The following USP31 variants were observed in gnomAD, a reference collection of about 807,000 sequenced individuals.
USP31 encodes the protein ubiquitin carboxyl-terminal hydrolase 31.
A neutral mutation model predicts 119.4 loss-of-function variants in USP31; 44 were observed. The ratio of observed to expected loss-of-function variants is 0.37; its 90% confidence interval spans 0.29 to 0.47. USP31 has a LOEUF of 0.47. USP31 is among the 20% of genes least tolerant of loss of function. USP31 has a pLI of 0.99. For missense variants in USP31, 1,643 were observed against 1,730.2 expected, an observed-to-expected ratio of 0.95 and a Z score of 0.89; for synonymous variants, 749 against 705.6, an observed-to-expected ratio of 1.06 and a Z score of -0.97.
At chr16:23,112,242 G>A (rs1465310644) in intron 1 of USP31, among the ~76,000 whole-genome samples, 2 of 152,208 alleles carry the variant, frequency 1.3e-5, no homozygotes, top group East Asian at 3.9e-4. Context: ...AAATTCAAGT[G>A]CTTTTTTCTC....
At chr16:23,148,500 G>C in intron 1 of USP31, 138 bp downstream of exon 1, 2 of 1,196,806 alleles carry the variant, frequency 1.7e-6, no homozygotes, top group Non-Finnish European at 2.2e-6. Context: ...TAAAATCACT[G>C]GTCGACTGCC....
chr16:23,068,167 G>A lies in USP31; in HGVS notation c.3938C>T (p.Ser1313Phe), dbSNP rs746575133. ...HSLLSARKSK[S>F]SQLDSGVPSS... ...GGGAACTCCAGAGTCTAGTTGGGAA[G>A]ACTTGGATTTGCGAGCGGACAGCAG... Residue 1313 changes from serine (S) to phenylalanine (F), a missense_variant, in exon 16 of 16, where the codon TCT becomes TTT. By Grantham distance (155) the Ser-to-Phe change is radical. Around this residue, in one of 5 missense-constraint regions of USP31, gnomAD observed 699 missense variants for 650.9 expected, o/e 1.07. Coordinates refer to ENST00000219689, the MANE Select transcript of USP31 (RefSeq NM_020718.4). 4.0e-5 allele frequency: 65 copies of A among 1,614,116 alleles called. No homozygotes were observed. The Admixed American group carries it at 1.1e-3, about 27-fold the overall frequency.
chr16:23,078,183 G>A (rs1406931443), intron 13 of USP31, among the ~76,000 whole-genome samples: 6 of 151,786 alleles, frequency 4.0e-5, no homozygotes, highest in Non-Finnish European at 8.8e-5. Context: ...GTGGTGGTGT[G>A]TGCCTGTAGT....
chr16:23,108,493 A>T lies in USP31; in HGVS notation c.634-310T>A, dbSNP rs557367127. ...TTTATAAAAGCAAATAATTGGTAAT[A>T]ACTTGGACATCTTAAAAAAGAGAAT... On this transcript the variant is annotated intron_variant, in intron 1 of 15. Transcript: ENST00000219689. Among the ~76,000 whole-genome samples, 6 of 152,376 alleles carry T rather than the reference A, an allele frequency of 3.9e-5. No homozygotes were observed. The South Asian group carries it at 1.2e-3, about 32-fold the overall frequency.
At chr16:23,096,807 C>A (rs1274029272) in intron 6 of USP31, among the ~76,000 whole-genome samples, 1 of 152,164 alleles carries the variant, frequency 6.6e-6, no homozygotes, top group Non-Finnish European at 1.5e-5. Flanking sequence ...AGAACAAAGA[C>A]AACGTACCAG....
rs937882016 is a variant in USP31 at position 23,063,089 on chromosome 16, A to T, written c.*4957T>A. The stretch of plus-strand genomic sequence containing the variant: ...GGGACCCAGGCACTGTATTTTTTAA[A>T]GTTCCCCAGCTGATTCTAGTTAATG... On this transcript the variant is annotated 3_prime_UTR_variant, in exon 16 of 16. Coordinates refer to ENST00000219689, the MANE Select transcript of USP31 (RefSeq NM_020718.4). 6.6e-6 allele frequency: 1 copy of T among 152,244 alleles called. No individual in the cohort carries two copies. The highest frequency in any genetic ancestry group is 6.5e-5 in the Admixed American group (1 of 15,284). 9.4% of individuals were successfully genotyped at this position (152,244 alleles called of 1,614,324 possible).
chr16:23,072,001 G>C (rs1900365684), intron 15 of USP31, 44 bp downstream of exon 15: 2 of 1,582,974 alleles, frequency 1.3e-6, no homozygotes, highest in Non-Finnish European at 1.7e-6. Flanking sequence ...TGCTGTGTCT[G>C]TGAGTTACCA....
At chr16:23,098,552 C>T (rs1388155301) in intron 6 of USP31, among the ~76,000 whole-genome samples, 15 of 152,218 alleles carry the variant, frequency 9.9e-5, no homozygotes, top group South Asian at 4.2e-4. Flanking sequence ...GGAGGCATCA[C>T]GCTACCTAAC....
At chr16:23,088,116 G>C (rs548886502) in intron 7 of USP31, among the ~76,000 whole-genome samples, 4 of 152,284 alleles carry the variant, frequency 2.6e-5, no homozygotes, top group Admixed American at 2.0e-4. Context: ...AAGATGGAGA[G>C]CACAGGGGGT....
At chr16:23,087,021 G>C (rs1901137757) in intron 9 of USP31, 71 bp downstream of exon 9, 1 of 1,145,842 alleles carries the variant, frequency 8.7e-7, no homozygotes, top group Admixed American at 2.2e-5. Flanking sequence ...AATTATATAA[G>C]ACATCACTTG....
rs762580243 is a variant in USP31, at chr16:23,106,232, T to C, written c.934A>G (p.Ile312Val). Residue 312 changes from isoleucine (I) to valine (V), a missense_variant, in exon 4 of 16, where the codon ATT (isoleucine) becomes GTT (valine). Coordinates refer to ENST00000219689, the MANE Select transcript of USP31 (RefSeq NM_020718.4). ...FDPFLCISLP[I>V]PLPHTRPLYV... ...TCTTACCTTGTGTGGGGCAGAGGAA[T>C]TGGCAAAGAAATGCAAAGGAAAGGA... The C allele has an allele frequency of 6.8e-6, 11 of 1,614,046 alleles. No homozygotes were observed. The highest frequency in any genetic ancestry group is 4.5e-5 in the East Asian group (2 of 44,882).
At chr16:23,122,053 T>C (rs1902687492) in intron 1 of USP31, among the ~76,000 whole-genome samples, 1 of 152,222 alleles carries the variant, frequency 6.6e-6, no homozygotes. Flanking sequence ...TCTGGATATA[T>C]GGTTTGATAT....
rs1362755389 is a variant in USP31 at position 23,082,441 on chromosome 16, C to T, written c.1947G>A (p.Arg649=). The part of the protein sequence containing the change: ...DVLIIHLKRF[R]QEGDRRMKLQ... ...TGAGGATAAAGGATTTCCATACCTG[C>T]CGAAATCTCTTTAGATGTATAATAA... The change falls in exon 12 of 16, where the codon CGG becomes CGA. Residue 649 remains arginine (R), a synonymous_variant. Coordinates refer to ENST00000219689, the MANE Select transcript of USP31 (RefSeq NM_020718.4). 1.2e-6 allele frequency: 2 copies of T among 1,613,852 alleles called. No individual in the cohort carries two copies. The highest frequency in any genetic ancestry group is 1.3e-5 in the African/African-American group (1 of 74,924).
At chr16:23,140,493 T>A (rs931978628) in intron 1 of USP31, among the ~76,000 whole-genome samples, 2 of 152,154 alleles carry the variant, frequency 1.3e-5, no homozygotes, top group Admixed American at 6.5e-5. Context: ...AAATCAAGGC[T>A]CTCTGTCCCC....
rs113845518 is a variant in USP31 at position 23,120,622 on chromosome 16, G to A, written c.634-12439C>T. Among the ~76,000 whole-genome samples the A allele has an allele frequency of 4.5e-3, 691 of 152,356 alleles. 3 individuals carry two copies. Among genetic ancestry groups the A allele is most frequent in the African/African-American group, 0.016 (655 of 41,578 alleles). On this transcript the variant is annotated intron_variant, in intron 1 of 15. Transcript: ENST00000219689. ...CATCCTGGCTTGCCAGGTGGTGGGA[G>A]ATGAATGCTTAAACCTAGGAAGAGA...
rs1197023543 is a variant in USP31 at position 23,080,061 on chromosome 16, C to G, written c.2061G>C (p.Ser687=). 6.2e-7 allele frequency: 1 copy of G among 1,613,916 alleles called. No homozygotes were observed. The highest frequency in any genetic ancestry group is 1.7e-5 in the Admixed American group (1 of 59,976). ...KRSQSSWSLP[S]HWSPWRRPYG... ...AGGGCCGTCTCCACGGGGACCAATG[C>G]GATGGCAAACTCCAGCTGCTCTGGC... The change falls in exon 13 of 16, where the codon TCG becomes TCC. Residue 687 remains serine (S), a synonymous_variant. Transcript: ENST00000219689.
intron 13 of USP31, among the ~76,000 whole-genome samples, chr16:23,078,617 C>T (rs1003665434): frequency 6.6e-6 from 1 of 152,132 alleles, no homozygotes; most frequent in African/African-American, 2.4e-5. Flanking sequence ...TGTGGGACTC[C>T]TTTTTAAACC....
intron 5 of USP31, among the ~76,000 whole-genome samples, chr16:23,102,902 ATAAAAAG>A (rs1466646870): frequency 1.3e-5 from 2 of 152,264 alleles, no homozygotes; most frequent in Non-Finnish European, 2.9e-5. Flanking sequence ...TATCCATAAA[ATAAAAAG>A]TAAAAATAAA....
intron 1 of USP31, among the ~76,000 whole-genome samples, chr16:23,113,456 G>A (rs943379346): frequency 1.3e-5 from 2 of 152,172 alleles, no homozygotes; most frequent in South Asian, 2.1e-4. Flanking sequence ...GCAGCCAGGA[G>A]AGAGAGAGTG....
Sources: allele counts gnomAD v4.1 joint callset (sites outside exome capture counted in the v4.1 genomes callset), GRCh38; gene constraint gnomAD v4.1.1; regional missense constraint gnomAD v4.1.1; transcripts MANE v1.5; gene names NCBI Gene and HGNC (gene_info 2026-07-23, HGNC 2026-07-21).